Variants in USO1 observed in about 807,000 individuals in gnomAD.
USO1 encodes the protein general vesicular transport factor p115.
Under a neutral mutation model 124.5 loss-of-function variants are expected in USO1, and 57 were observed. The ratio of observed to expected loss-of-function variants is 0.46; its 90% CI spans 0.37 to 0.57. USO1 has a LOEUF of 0.57. Ranked by LOEUF, USO1 falls within the 20% of genes least tolerant of loss-of-function variation. The probability of loss-of-function intolerance (pLI) is 0.00; values close to 1 mark genes in which losing one functional copy is unlikely to be tolerated. For missense variants in USO1, 900 were observed against 1,040.6 expected (o/e 0.86, Z 1.86); for synonymous variants, 369 against 362.8 (o/e 1.02, Z -0.19).
intron 4 of USO1, 96 bp downstream of exon 4, chr4:75,757,669 T>G: frequency 8.6e-7 from 1 of 1,166,122 alleles, no homozygotes. Context: ...GTTTTATAAA[T>G]GTATAAGTTT....
chr4:75,764,569 A>G (rs1236565817), intron 4 of USO1, among the ~76,000 whole-genome samples: 1 of 152,192 alleles, frequency 6.6e-6, no homozygotes, highest in African/African-American at 2.4e-5. Flanking sequence ...AAATATTTCA[A>G]CATTTTAAAA....
At chr4:75,752,709 T>C (rs1721325118) in intron 3 of USO1, 105 bp downstream of exon 3, 1 of 391,414 alleles carries the variant, frequency 2.6e-6, no homozygotes, top group Non-Finnish European at 4.5e-6. Context: ...TATTTTTTGG[T>C]AGAGATGGGG....
At chr4:75,761,301 A>G (rs944304128) in intron 4 of USO1, among the ~76,000 whole-genome samples, 1 of 152,182 alleles carries the variant, frequency 6.6e-6, no homozygotes, top group Non-Finnish European at 1.5e-5. Context: ...AGTGCCAACT[A>G]CTTGGGAGAC....
intron 21 of USO1, among the ~76,000 whole-genome samples, chr4:75,809,633 A>G (rs943063864): frequency 6.6e-6 from 1 of 152,186 alleles, no homozygotes; most frequent in Non-Finnish European, 1.5e-5. Context: ...TATAACAAGG[A>G]TTGCCTTTCC....
At chr4:75,809,414 A>T (rs1174478804) in intron 21 of USO1, among the ~76,000 whole-genome samples, 1 of 152,148 alleles carries the variant, frequency 6.6e-6, no homozygotes, top group Non-Finnish European at 1.5e-5. Flanking sequence ...GAATTTTCCA[A>T]ATCTTCTAAT....
chr4:75,724,981 C>G, intron 1 of USO1, 96 bp downstream of exon 1: 3 of 1,377,178 alleles, frequency 2.2e-6, no homozygotes, highest in Non-Finnish European at 3.0e-6. Flanking sequence ...AGCGTCCCAC[C>G]ATGGAGGGGG....
chr4:75,791,800 C>A (rs969761139), intron 12 of USO1, among the ~76,000 whole-genome samples: 3 of 151,086 alleles, frequency 2.0e-5, no homozygotes, highest in African/African-American at 7.3e-5. Flanking sequence ...TTATATTTAC[C>A]AAAAAAAAAT....
intron 8 of USO1, among the ~76,000 whole-genome samples, chr4:75,779,167 T>A (rs932279559): frequency 1.3e-5 from 2 of 152,184 alleles, no homozygotes; most frequent in African/African-American, 4.8e-5. Context: ...CTCCACAGAC[T>A]GGCCCATCCT....
intron 8 of USO1, among the ~76,000 whole-genome samples, chr4:75,777,384 C>G (rs1389113165): frequency 2.6e-5 from 4 of 152,096 alleles, no homozygotes; most frequent in African/African-American, 9.7e-5. Context: ...GCAAAAGATT[C>G]TGTTGAGAGA....
chr4:75,766,114 TA>T (rs1451210555), intron 4 of USO1, among the ~76,000 whole-genome samples: 2 of 152,190 alleles, frequency 1.3e-5, no homozygotes, highest in African/African-American at 4.8e-5. Flanking sequence ...TACTTTTATT[TA>T]GAGTCAGTTA....
At chr4:75,803,989 A>C (rs1340698519) in intron 17 of USO1, 145 bp from the exon 18 acceptor site, 2 of 964,166 alleles carry the variant, frequency 2.1e-6, no homozygotes, top group Non-Finnish European at 2.9e-6. Context: ...TAACACACCA[A>C]GTTGCTTAAT....
chr4:75,742,906 T>C (rs1480980129), intron 1 of USO1, among the ~76,000 whole-genome samples: 1 of 152,204 alleles, frequency 6.6e-6, no homozygotes, highest in Admixed American at 6.5e-5. Flanking sequence ...ATCGTCTTCT[T>C]TGGTCGGTTT....
intron 4 of USO1, among the ~76,000 whole-genome samples, chr4:75,764,874 G>C (rs1235879639): frequency 6.6e-6 from 1 of 152,054 alleles, no homozygotes; most frequent in Admixed American, 6.6e-5. Context: ...GCAATACCTG[G>C]ATCTGCATTC....
At chr4:75,758,785 C>A (rs540752493) in intron 4 of USO1, among the ~76,000 whole-genome samples, 1 of 152,124 alleles carries the variant, frequency 6.6e-6, no homozygotes, top group African/African-American at 2.4e-5. Flanking sequence ...TTATTAATTT[C>A]TTAAGGGTGA....
At chr4:75,753,552 A>T (rs1469828681) in intron 3 of USO1, among the ~76,000 whole-genome samples, 1 of 151,272 alleles carries the variant, frequency 6.6e-6, no homozygotes, top group Non-Finnish European at 1.5e-5. Flanking sequence ...CAAAAAAGAT[A>T]AATAATAAAA....
Position 75,724,697 on chromosome 4 carries a change from C to T in USO1, c.-123C>T, listed in dbSNP as rs1437553272. The T allele has an allele frequency of 1.5e-5, 14 of 953,296 alleles. No homozygotes were observed. The highest frequency in any genetic ancestry group is 5.8e-5 in the East Asian group (2 of 34,492). 59.1% of individuals were successfully genotyped at this position (953,296 alleles called of 1,614,324 possible). ...GCTGGAGTGGCCGCCGAGTTGGAGG[C>T]GGTGGTGGCAGCAGTAGGAGTGTGT... On this transcript the variant is annotated 5_prime_UTR_variant, in exon 1 of 24. Coordinates refer to ENST00000514213, the MANE Select transcript of USO1 (RefSeq NM_003715.4).
rs765189910 is a variant in USO1, at chr4:75,799,578, A to G, written c.1453-44A>G. On this transcript the variant is annotated intron_variant, in intron 13 of 23. Transcript: ENST00000514213. ...CTTAGGGCAACTTTAAGTTTGAAAA[A>G]TATAAAATGAATGGAAAGATTTCTA... The G allele has an allele frequency of 2.7e-5, 44 of 1,603,970 alleles. 1 individual carries two copies. The highest frequency in any genetic ancestry group is 1.8e-4 in the Middle Eastern group (1 of 5,702).
At chr4:75,764,960 T>C (rs1043620032) in intron 4 of USO1, among the ~76,000 whole-genome samples, 4 of 152,226 alleles carry the variant, frequency 2.6e-5, no homozygotes, top group Non-Finnish European at 4.4e-5. Context: ...CATCCTCTAA[T>C]GTTAGCCTGC....
intron 1 of USO1, among the ~76,000 whole-genome samples, chr4:75,729,379 G>A (rs1029019622): frequency 7.2e-5 from 11 of 151,964 alleles, no homozygotes; most frequent in South Asian, 2.1e-4. Context: ...TCGCTCTGTC[G>A]CCCAGGCTGG....
Sources: allele counts gnomAD v4.1 joint callset (sites outside exome capture counted in the v4.1 genomes callset), GRCh38; gene constraint gnomAD v4.1.1; transcripts MANE v1.5; gene names NCBI Gene and HGNC (gene_info 2026-07-23, HGNC 2026-07-21).